SUV39H2: variants seen among roughly 807,000 people sequenced by gnomAD.
SUV39H2 encodes SUV39H2 histone lysine methyltransferase.
A neutral mutation model predicts 47.5 loss-of-function variants in SUV39H2; 10 were observed. The ratio of observed to expected loss-of-function variants is 0.21; its 90% CI spans 0.13 to 0.36. The LOEUF (loss-of-function observed/expected upper bound fraction) is 0.36, where lower values mean the gene tolerates loss of function less well. Among genes scored for constraint, SUV39H2 ranks in the 10% least tolerant of loss-of-function variants. The pLI is 1.00. For missense variants in SUV39H2, 266 were observed against 487.4 expected, an observed-to-expected ratio of 0.55 and a Z score of 4.28; for synonymous variants, 159 against 166.8, an observed-to-expected ratio of 0.95 and a Z score of 0.36.
intron 2 of SUV39H2, among the ~76,000 whole-genome samples, chr10:14,892,087 A>G (rs1833407355): frequency 1.3e-5 from 2 of 152,176 alleles, no homozygotes; most frequent in African/African-American, 4.8e-5. Context: ...CGTGTAAGTG[A>G]TGGTCAGGGG....
intron 3 of SUV39H2, 49 bp downstream of exon 3, chr10:14,897,566 CT>C (rs1833673604): frequency 7.0e-7 from 1 of 1,420,186 alleles, no homozygotes; most frequent in Non-Finnish European, 9.3e-7. Flanking sequence ...AAGGTTTATA[CT>C]TTTGGAAAAT....
chr10:14,884,624 G>A (rs1833148071), intron 2 of SUV39H2, among the ~76,000 whole-genome samples: 3 of 152,094 alleles, frequency 2.0e-5, no homozygotes, highest in African/African-American at 7.2e-5. Context: ...CTTCCCATTA[G>A]CTTTTTAACC....
chr10:14,895,581 C>T (rs745380331), intron 2 of SUV39H2, among the ~76,000 whole-genome samples: 1 of 152,146 alleles, frequency 6.6e-6, no homozygotes, highest in Non-Finnish European at 1.5e-5. Flanking sequence ...TGCCTTGTTG[C>T]CAAGGCATCG....
intron 1 of SUV39H2, among the ~76,000 whole-genome samples, chr10:14,880,789 A>G (rs565993934): frequency 6.2e-4 from 95 of 152,302 alleles, no homozygotes; most frequent in African/African-American, 2.2e-3. Context: ...TAAATTGAAC[A>G]CCGTTTTAAA....
In SUV39H2 at chr10:14,899,546, C is replaced by T; in HGVS notation, c.857C>T (p.Thr286Ile). 1 of 1,613,690 alleles carries T rather than the reference C, an allele frequency of 6.2e-7. No homozygotes were observed. Among genetic ancestry groups the T allele is most frequent in the Non-Finnish European group, 8.5e-7 (1 of 1,179,904 alleles). Reference protein sequence around the residue: ...FVMEYVGEVITSEEAERRGQF... With the variant: ...FVMEYVGEVIISEEAERRGQF... Reference sequence around the variant, plus strand: ...ACAGTTTTTTCTGTTTAGGTAATCACAAGTGAAGAAGCTGAAAGACGAGGA... The same window carrying T: ...ACAGTTTTTTCTGTTTAGGTAATCATAAGTGAAGAAGCTGAAAGACGAGGA... The change falls in exon 4 of 6, where the codon ACA (threonine) becomes ATA (isoleucine). Residue 286 changes from threonine (T) to isoleucine (I), a missense_variant. Around this residue, in one of 4 missense-constraint regions of SUV39H2, gnomAD observed 112 missense variants for 271.9 expected, o/e 0.41. Coordinates refer to ENST00000354919, the MANE Select transcript of SUV39H2 (RefSeq NM_001193424.2).
chr10:14,891,329 C>T (rs1833382648), intron 2 of SUV39H2, among the ~76,000 whole-genome samples: 1 of 152,168 alleles, frequency 6.6e-6, no homozygotes, highest in Admixed American at 6.5e-5. Context: ...GCCAGAGAGG[C>T]ATCAGGGAAC....
At chr10:14,884,392 T>C (rs1833141108) in intron 2 of SUV39H2, among the ~76,000 whole-genome samples, 1 of 152,254 alleles carries the variant, frequency 6.6e-6, no homozygotes, top group East Asian at 1.9e-4. Context: ...CATCTCATTG[T>C]GGTTTTGATT....
intron 3 of SUV39H2, chr10:14,899,187 G>C (rs148343292): frequency 5.7e-6 from 4 of 701,732 alleles, no homozygotes; most frequent in Admixed American, 2.0e-5. Flanking sequence ...TGGGCATGGC[G>C]GTATGCACCT....
At position 14,882,299 on chromosome 10, in the gene SUV39H2, A is replaced by G. The variant is rs140306322; in HGVS notation, c.177+654A>G. On this transcript the variant is annotated intron_variant, in intron 2 of 5. Transcript: ENST00000354919. ...TTTCCAAGAACTGTTTTGGTCATTA[A>G]TCTACCAAATCTATCAGATAAGTGA... is the stretch of plus-strand genomic sequence containing the variant. Among the ~76,000 whole-genome samples the G allele has an allele frequency of 1.4e-4, 21 of 152,318 alleles. No individual in the cohort carries two copies. The East Asian group carries it at 3.5e-3, about 25-fold the overall frequency.
intron 2 of SUV39H2, among the ~76,000 whole-genome samples, chr10:14,895,138 G>A (rs1242087315): frequency 2.0e-5 from 3 of 151,120 alleles, no homozygotes; most frequent in African/African-American, 7.3e-5. Context: ...AAATTTGTTA[G>A]ACACACTTAA....
At chr10:14,897,582 T>G in intron 3 of SUV39H2, 65 bp downstream of exon 3, 1 of 1,320,256 alleles carries the variant, frequency 7.6e-7, no homozygotes, top group Admixed American at 2.6e-5. Flanking sequence ...GAAAATTACC[T>G]TTTTATCTCT....
In SUV39H2 at chr10:14,879,123, C is replaced by G. The variant is rs936134462; in HGVS notation, c.31+204C>G. On this transcript the variant is annotated intron_variant, in intron 1 of 5. Transcript: ENST00000354919. ...CTCCCTGCCCGGCCGGCTCCCGCCGCGGAGGTGGGCACTGTCCGAGCCTGG... is the reference window on the plus strand; with the variant it reads ...CTCCCTGCCCGGCCGGCTCCCGCCGGGGAGGTGGGCACTGTCCGAGCCTGG... 2.5e-5 allele frequency: 32 copies of G among 1,264,458 alleles called. No homozygotes were observed. In the African/African-American group the frequency reaches 4.7e-4, roughly 19 times the overall value. The allele number at this position is 1,264,458 out of a possible 1,614,324, so 78.3% of individuals were successfully genotyped here.
chr10:14,880,856 AT>A (rs1473782299), intron 1 of SUV39H2, among the ~76,000 whole-genome samples: 32 of 152,294 alleles, frequency 2.1e-4, no homozygotes, highest in African/African-American at 7.0e-4. Context: ...GATATACTCC[AT>A]TTTTTTAATA....
intron 2 of SUV39H2, among the ~76,000 whole-genome samples, chr10:14,882,010 A>G (rs1588832325): frequency 6.6e-6 from 1 of 152,214 alleles, no homozygotes; most frequent in Non-Finnish European, 1.5e-5. Context: ...TTTTAGTGTT[A>G]CTGACTCTCA....
intron 2 of SUV39H2, among the ~76,000 whole-genome samples, chr10:14,892,529 C>G (rs1332747251): frequency 6.6e-6 from 1 of 152,194 alleles, no homozygotes; most frequent in African/African-American, 2.4e-5. Flanking sequence ...GCCATGTTCC[C>G]TACTCAATCA....
chr10:14,902,707 G>C lies in SUV39H2; in HGVS notation c.*195G>C, dbSNP rs888603812. ...ACTGGGTCTCATAGACTGATATGAA[G>C]TCGACATATTTATAGTGCTTAGAGA... On this transcript the variant is annotated 3_prime_UTR_variant, in exon 6 of 6. Coordinates refer to ENST00000354919, the MANE Select transcript of SUV39H2 (RefSeq NM_001193424.2). The C allele has an allele frequency of 2.3e-6, 1 of 427,542 alleles. No homozygotes were observed. Among genetic ancestry groups the C allele is most frequent in the Non-Finnish European group, 4.2e-6 (1 of 235,432 alleles). 26.5% of individuals were successfully genotyped at this position (427,542 alleles called of 1,614,324 possible). A position where few individuals can be genotyped will look rare whatever the true frequency, so the allele number is the denominator to read the frequency against.
chr10:14,895,239 C>A (rs1361673572), intron 2 of SUV39H2, among the ~76,000 whole-genome samples: 1 of 151,194 alleles, frequency 6.6e-6, no homozygotes, highest in Admixed American at 6.6e-5. Flanking sequence ...TGCAGTGGCA[C>A]AGTCTTGGCT....
intron 2 of SUV39H2, among the ~76,000 whole-genome samples, chr10:14,884,755 G>A (rs953599370): frequency 2.0e-5 from 3 of 152,024 alleles, no homozygotes; most frequent in Non-Finnish European, 2.9e-5. Flanking sequence ...TGAAACTCTC[G>A]TCTATGGAGA....
intron 2 of SUV39H2, among the ~76,000 whole-genome samples, chr10:14,885,310 T>C (rs1299160390): frequency 2.0e-5 from 3 of 152,230 alleles, no homozygotes; most frequent in Non-Finnish European, 4.4e-5. Context: ...GTTCCCTATC[T>C]TGGTTAACAG....
Sources: gnomAD v4.1 joint callset for allele counts (sites outside exome capture counted in the v4.1 genomes callset) on GRCh38, gnomAD v4.1.1 for gene constraint, gnomAD v4.1.1 regional missense constraint, MANE v1.5 for transcripts, NCBI Gene and HGNC (gene_info 2026-07-23, HGNC 2026-07-21) for gene names.